The following TREML1 variants were observed in gnomAD, a reference collection of about 807,000 sequenced individuals.
The protein encoded by TREML1 is triggering receptor expressed on myeloid cells like 1.
Under a neutral mutation model 22.8 loss-of-function variants are expected in TREML1, and 27 were observed. The ratio of observed to expected loss-of-function variants is 1.19; its 90% CI spans 0.87 to 1.64. TREML1 has a LOEUF of 1.64. Ranked by LOEUF, TREML1 falls within the 40% of genes most tolerant of loss-of-function variation. The pLI is 0.00. For missense variants in TREML1, 356 were observed against 382.0 expected, an observed-to-expected ratio of 0.93 and a Z score of 0.57; for synonymous variants, 153 against 161.9, an observed-to-expected ratio of 0.94 and a Z score of 0.42.
Position 41,149,850 on chromosome 6 carries a change from T to C in TREML1, c.690A>G (p.Pro230=). The change falls in exon 6 of 6, where the codon CCA becomes CCG. Residue 230 remains proline, a synonymous_variant. Coordinates refer to ENST00000426005, the MANE Select transcript of TREML1 (RefSeq NM_178174.4). The stretch of plus-strand genomic sequence containing the variant: ...AAGGTGGTGAGTCAAGCCTAATGTG[T>C]GGTACATCCAAAGGCAATTCAGCAG... ...GPAAELPLDV[P]HIRLDSPPSF... 1 of 1,614,030 alleles carries C rather than the reference T, an allele frequency of 6.2e-7. No homozygotes were observed. The highest frequency in any genetic ancestry group is 8.5e-7 in the Non-Finnish European group (1 of 1,179,986).
In TREML1 at chr6:41,154,062, C is replaced by T. The variant is rs1284916106; in HGVS notation, c.72G>A (p.Glu24=). 9.9e-6 allele frequency: 16 copies of T among 1,613,334 alleles called. No individual in the cohort carries two copies. The highest frequency in any genetic ancestry group is 1.2e-5 in the Non-Finnish European group (14 of 1,179,736). Reference sequence around the variant, plus strand: ...AGCTTCCCACGGGTGCCTGCAGCACCTCAGGGAGGCTGCCAACTATGCCCT... The same window carrying T: ...AGCTTCCCACGGGTGCCTGCAGCACTTCAGGGAGGCTGCCAACTATGCCCT... ...EGQGIVGSLP[E]VLQAPVGSSI... is the part of the protein sequence containing the mutation. The change falls in exon 2 of 6, where the codon GAG becomes GAA. Residue 24 remains glutamate, a synonymous_variant. Coordinates refer to ENST00000426005, the MANE Select transcript of TREML1 (RefSeq NM_178174.4).
Position 41,153,926 on chromosome 6 carries a change from T to C in TREML1, c.208A>G (p.Arg70Gly). 1 of 1,614,224 alleles carries C rather than the reference T, an allele frequency of 6.2e-7. No individual in the cohort carries two copies. ...AACGTACGCCTGCCCGCTGGAGCTC[T>C]GCGATCCACAGCTGAGGACACCAGG... ...QPLVSSAVDRRAPAGRRTFLT... is the reference protein window; with the variant it reads ...QPLVSSAVDRGAPAGRRTFLT... The change falls in exon 2 of 6, where the codon AGA becomes GGA. Residue 70 changes from arginine (R) to glycine (G), a missense_variant. Transcript: ENST00000426005.
rs767150801 is a variant in TREML1 at position 41,154,294 on chromosome 6, G to A, written c.-6C>T. 21 of 1,613,774 alleles carry A rather than the reference G, an allele frequency of 1.3e-5. No individual in the cohort carries two copies. The East Asian group carries it at 1.6e-4, about 12-fold the overall frequency. On this transcript the variant is annotated 5_prime_UTR_variant, in exon 1 of 6. Coordinates refer to ENST00000426005, the MANE Select transcript of TREML1 (RefSeq NM_178174.4). Reference sequence around the variant, plus strand: ...AAGAGCAGGGTGAGGCCCATGGCTGGGCAGAGAAATGTCAACTCCTGGGCT... The same window carrying A: ...AAGAGCAGGGTGAGGCCCATGGCTGAGCAGAGAAATGTCAACTCCTGGGCT...
intron 2 of TREML1, among the ~76,000 whole-genome samples, chr6:41,152,660 G>A (rs1765293549): frequency 6.6e-6 from 1 of 151,978 alleles, no homozygotes. Context: ...ATCACTTGAG[G>A]TCAGGAGTTC....
Position 41,151,335 on chromosome 6 carries a change from G to A in TREML1, c.426C>T (p.Phe142=), listed in dbSNP as rs1765240781. Residue 142 remains phenylalanine, a synonymous_variant, in exon 3 of 6, where the codon TTC becomes TTT. Transcript: ENST00000426005. ...HKIGSLAENA[F]SDPAGSANPL... is the part of the protein sequence containing the mutation. ...GGTTGGCACTGCCTGCAGGGTCTGA[G>A]AATGCGTTCTCAGCCAGACTGCCAA... 6.2e-7 allele frequency: 1 copy of A among 1,614,110 alleles called. No homozygotes were observed. Among genetic ancestry groups the A allele is most frequent in the Non-Finnish European group, 8.5e-7 (1 of 1,180,054 alleles).
At chr6:41,149,994 A>G in intron 5 of TREML1, 76 bp from the exon 6 acceptor site, 5 of 1,394,246 alleles carry the variant, frequency 3.6e-6, no homozygotes, top group Non-Finnish European at 5.0e-6. Flanking sequence ...CCAGGACCAC[A>G]CTAGATCTAT....
At chr6:41,150,153 C>A in intron 5 of TREML1, 108 bp downstream of exon 5, 1 of 1,284,260 alleles carries the variant, frequency 7.8e-7, no homozygotes, top group Non-Finnish European at 1.1e-6. Context: ...GTTTGGACCC[C>A]AACTAGGTCC....
rs143539978 is a variant in TREML1 at position 41,154,258 on chromosome 6, G to C, written c.31C>G (p.Leu11Val). 2.0e-4 allele frequency: 329 copies of C among 1,614,084 alleles called. 1 individual carries two copies. The African/African-American group carries it at 4.0e-3, about 19-fold the overall frequency. Residue 11 changes from leucine to valine, a missense_variant, in exon 1 of 6, where the codon CTG becomes GTG. Transcript: ENST00000426005. ...TCCTGAACCTTACCTTCTAGTCCCA[G>C]GAGCAGCAGCAAGAGCAGGGTGAGG... MGLTLLLLLL[L>V]GLEGQGIVGS...
At position 41,150,447 on chromosome 6, in the gene TREML1, C is replaced by A. The variant is rs1006765674; in HGVS notation, c.569-134G>T. 5 of 780,820 alleles carry A rather than the reference C, an allele frequency of 6.4e-6. No homozygotes were observed. In the Admixed American group the frequency reaches 7.8e-5, roughly 12 times the overall value. The allele number at this position is 780,820 out of a possible 1,614,324, so 48.4% of individuals were successfully genotyped here. On this transcript the variant is annotated intron_variant, in intron 4 of 5. Coordinates refer to ENST00000426005, the MANE Select transcript of TREML1 (RefSeq NM_178174.4). ...CACCTTCCCCACTCCCACCACCAAA[C>A]CTTTACCCCTTCCATCTCCCCAGCC...
In TREML1 at chr6:41,149,652, C is replaced by T. The variant is rs1396225797; in HGVS notation, c.888G>A (p.Ser296=). 12 of 1,613,928 alleles carry T rather than the reference C, an allele frequency of 7.4e-6. No homozygotes were observed. The highest frequency in any genetic ancestry group is 4.4e-5 in the South Asian group (4 of 91,084). ...TAGGTGGATTCTGGGCTGGCCCACA[C>T]GAGGTCCCTCCACCCTTGTTCCCTC... is the stretch of plus-strand genomic sequence containing the variant. ...FPGGNKGGGT[S]CGPAQNPPNN... Residue 296 remains serine (S), a synonymous_variant, in exon 6 of 6, where the codon TCG becomes TCA. Coordinates refer to ENST00000426005, the MANE Select transcript of TREML1 (RefSeq NM_178174.4).
chr6:41,151,239 C>T, intron 3 of TREML1, 43 bp downstream of exon 3: 2 of 1,543,042 alleles, frequency 1.3e-6, no homozygotes, highest in Non-Finnish European at 1.8e-6. Flanking sequence ...TTGTCTCCAC[C>T]ACCACCCTTC....
chr6:41,154,470 C>T (rs901524040), upstream of TREML1: 38 of 594,060 alleles, frequency 6.4e-5, no homozygotes, highest in African/African-American at 7.5e-5. Context: ...TCAGGAACTG[C>T]CCTGAGGGTA....
chr6:41,154,128 C>G (rs751414587), intron 1 of TREML1, 38 bp from the exon 2 acceptor site: 2 of 1,597,306 alleles, frequency 1.3e-6, no homozygotes, highest in South Asian at 1.1e-5. Context: ...TGGGCAGGAG[C>G]TGGGAGCATC....
At chr6:41,151,177 G>T in intron 3 of TREML1, 105 bp downstream of exon 3, 2 of 1,039,750 alleles carry the variant, frequency 1.9e-6, no homozygotes, top group Non-Finnish European at 1.5e-6. Context: ...CCAGAGGTGG[G>T]AAGAATCATA....
chr6:41,150,368 T>C, intron 4 of TREML1, 55 bp from the exon 5 acceptor site: 2 of 1,557,978 alleles, frequency 1.3e-6, no homozygotes, highest in East Asian at 2.3e-5. Flanking sequence ...CTCAGAGCCC[T>C]TCCCTCACTC....
chr6:41,152,568 G>A (rs761710702), intron 2 of TREML1, among the ~76,000 whole-genome samples: 7 of 152,006 alleles, frequency 4.6e-5, no homozygotes, highest in Admixed American at 2.6e-4. Context: ...CTCTTATTTA[G>A]AGGGAAAAAA....
chr6:41,153,385 G>A (rs1765323067), intron 2 of TREML1, among the ~76,000 whole-genome samples: 2 of 151,114 alleles, frequency 1.3e-5, no homozygotes, highest in Non-Finnish European at 2.9e-5. Flanking sequence ...AACACTGGAA[G>A]CTACAAAAAT....
At chr6:41,153,311 T>C (rs961748736) in intron 2 of TREML1, among the ~76,000 whole-genome samples, 1 of 148,994 alleles carries the variant, frequency 6.7e-6, no homozygotes, top group Non-Finnish European at 1.5e-5. Context: ...TGAAGACTTA[T>C]AAAATTAATT....
chr6:41,150,385 T>G (rs1162314306), intron 4 of TREML1, 72 bp from the exon 5 acceptor site: 26 of 1,482,726 alleles, frequency 1.8e-5, no homozygotes, highest in Non-Finnish European at 2.2e-5. Context: ...ACTCCCTTCC[T>G]TCAGAAGCCT....
Sources: gnomAD v4.1 joint callset for allele counts (sites outside exome capture counted in the v4.1 genomes callset) on GRCh38, gnomAD v4.1.1 for gene constraint, MANE v1.5 for transcripts, NCBI Gene and HGNC (gene_info 2026-07-23, HGNC 2026-07-21) for gene names.